Variants in ZNF217 observed in about 807,000 individuals in gnomAD.
The protein encoded by ZNF217 is zinc finger protein 217.
Under a neutral mutation model 73.3 loss-of-function variants are expected in ZNF217, and 12 were observed. That is an observed-to-expected ratio of 0.16 (90% CI 0.10 to 0.27). ZNF217 has a LOEUF of 0.27. ZNF217 is among the 10% of genes least tolerant of loss of function. The probability of loss-of-function intolerance (pLI) is 1.00; values close to 1 mark genes in which losing one functional copy is unlikely to be tolerated. For synonymous variants in ZNF217, 588 were observed against 516.4 expected (o/e 1.14, Z -1.88); for missense variants, 1,195 against 1,327.8 (o/e 0.90, Z 1.55).
upstream of ZNF217, among the ~76,000 whole-genome samples, chr20:53,594,515 T>G (rs1253267875): frequency 1.3e-5 from 2 of 150,716 alleles, no homozygotes; most frequent in Non-Finnish European, 3.0e-5. Context: ...GCTCGGCGAC[T>G]CCCGCGCACG....
intron 1 of ZNF217, among the ~76,000 whole-genome samples, chr20:53,592,888 G>C (rs982984496): frequency 2.0e-5 from 3 of 151,170 alleles, no homozygotes; most frequent in African/African-American, 4.9e-5. Flanking sequence ...TTTTGGGCTA[G>C]CATTTCAATC....
At position 53,582,650 on chromosome 20, in the gene ZNF217, G is replaced by A. The variant is rs138837480; in HGVS notation, c.177C>T (p.Ile59=). 24 of 1,614,142 alleles carry A rather than the reference G, an allele frequency of 1.5e-5. No homozygotes were observed. Among genetic ancestry groups the A allele is most frequent in the Non-Finnish European group, 1.8e-5 (21 of 1,180,036 alleles). Residue 59 remains isoleucine, a synonymous_variant, in exon 2 of 6, where the codon ATC becomes ATT. Transcript: ENST00000371471. The surrounding 1 kb of genome is among the most constrained non-coding windows in gnomAD (Gnocchi z 4.8). ...TGCAATCCAAGGGCATATACCCCTC[G>A]ATTTGGATGACATTTTTTTCTTGTG... ...RATQEKNVIQ[I]EGYMPLDCMF...
In ZNF217 at chr20:53,568,939, C is replaced by CCCCAA; in HGVS notation, c.*348_*349insTTGGG. The CCCCAA allele has an allele frequency of 5.6e-6, 1 of 180,102 alleles. No individual in the cohort carries two copies. Among genetic ancestry groups the CCCCAA allele is most frequent in the South Asian group, 1.2e-4 (1 of 8,266 alleles). 11.2% of individuals were successfully genotyped at this position (180,102 alleles called of 1,614,324 possible). A position where few individuals can be genotyped will look rare whatever the true frequency, so the allele number is the denominator to read the frequency against. On this transcript the variant is annotated 3_prime_UTR_variant, in exon 6 of 6. Transcript: ENST00000371471. ...TTCCCCCATCCCGCCCCACCCAACC[C>CCCCAA]AAATGATTTCTTTTCAGCAGCGCTC...
intron 1 of ZNF217, among the ~76,000 whole-genome samples, chr20:53,593,124 A>T (rs1988941027): frequency 6.6e-6 from 1 of 151,572 alleles, no homozygotes; most frequent in African/African-American, 2.4e-5. Flanking sequence ...ACTCCCGGGG[A>T]CAGATTTTTG....
At chr20:53,584,396 G>A (rs569976011) in intron 1 of ZNF217, among the ~76,000 whole-genome samples, 2 of 152,314 alleles carry the variant, frequency 1.3e-5, no homozygotes, top group Non-Finnish European at 2.9e-5. Context: ...TTTACACTCC[G>A]AAATAGAAAT....
Position 53,575,785 on chromosome 20 carries a change from G to A in ZNF217, c.2979C>T (p.Ser993=), listed in dbSNP as rs535784886. The A allele has an allele frequency of 1.9e-5, 31 of 1,611,730 alleles. No homozygotes were observed. The South Asian group carries it at 2.2e-4, about 11-fold the overall frequency. The part of the protein sequence containing the change: ...VLTVQKPYGG[S]GPLYTCVPAG... ...CAGGCACACAAGTGTAAAGTGGCCC[G>A]GAGCCACCATAGGGCTTCTGAACAG... Residue 993 remains serine, a synonymous_variant, in exon 4 of 6, where the codon TCC becomes TCT. Transcript: ENST00000371471.
upstream of ZNF217, among the ~76,000 whole-genome samples, chr20:53,597,006 G>A (rs1251049491): frequency 6.6e-6 from 1 of 150,446 alleles, no homozygotes; most frequent in Non-Finnish European, 1.5e-5. Context: ...AGTGATATAA[G>A]GCCTCTTCGT....
At chr20:53,591,000 A>T (rs1988860203) in intron 1 of ZNF217, among the ~76,000 whole-genome samples, 1 of 152,192 alleles carries the variant, frequency 6.6e-6, no homozygotes, top group South Asian at 2.1e-4. Flanking sequence ...ACCTTAAAAA[A>T]GTAAAGGCAG....
chr20:53,595,682 C>G (rs1482887324), upstream of ZNF217, among the ~76,000 whole-genome samples: 2 of 152,174 alleles, frequency 1.3e-5, no homozygotes, highest in Non-Finnish European at 2.9e-5. Context: ...TTTTTTCACT[C>G]AAGTCCACTG....
intron 1 of ZNF217, among the ~76,000 whole-genome samples, chr20:53,585,544 C>T (rs1030365128): frequency 2.0e-5 from 3 of 151,970 alleles, no homozygotes; most frequent in Admixed American, 1.3e-4. Flanking sequence ...CTCCCCTCTC[C>T]GCCCAAAAAA....
rs534693598 is a variant in ZNF217 at position 53,579,377 on chromosome 20, AAG to A, written c.1367-929_1367-928del. Among the ~76,000 whole-genome samples the A allele has an allele frequency of 1.3e-3, 205 of 152,358 alleles. 1 individual carries two copies. Among genetic ancestry groups the A allele is most frequent in the African/African-American group, 3.6e-3 (151 of 41,576 alleles). ...TGATGATCTATATAGTGTCTAAAGA[AAG>A]AAAAAAAAATTTACTTGATCTTCTT... On this transcript the variant is annotated intron_variant, in intron 2 of 5. Transcript: ENST00000371471.
intron 1 of ZNF217, among the ~76,000 whole-genome samples, chr20:53,587,628 A>C (rs1988742391): frequency 6.6e-6 from 1 of 152,110 alleles, no homozygotes; most frequent in South Asian, 2.1e-4. Context: ...CATACTGCTA[A>C]CAAAGCTACT....
Position 53,577,346 on chromosome 20 carries a change from A to C in ZNF217, c.1484-66T>G. The C allele has an allele frequency of 2.9e-6, 4 of 1,386,962 alleles. No homozygotes were observed. The South Asian group carries it at 5.5e-5, about 19-fold the overall frequency. The allele number at this position is 1,386,962 out of a possible 1,614,324, so 85.9% of individuals were successfully genotyped here. A position where few individuals can be genotyped will look rare whatever the true frequency, so the allele number is the denominator to read the frequency against. On this transcript the variant is annotated intron_variant, in intron 3 of 5. Coordinates refer to ENST00000371471, the MANE Select transcript of ZNF217 (RefSeq NM_006526.3). ...AAGCACTGAAATAGATCAAATATCT[A>C]TTTATTAAGAAAACAGGCTTCTTTC...
Position 53,581,966 on chromosome 20 carries a change from G to A in ZNF217, c.861C>T (p.Ile287=), listed in dbSNP as rs1028299363. 21 of 1,614,088 alleles carry A rather than the reference G, an allele frequency of 1.3e-5. No individual in the cohort carries two copies. Among genetic ancestry groups the A allele is most frequent in the Non-Finnish European group, 1.7e-5 (20 of 1,180,050 alleles). The change falls in exon 2 of 6, where the codon ATC becomes ATT. Residue 287 remains isoleucine, a synonymous_variant. Transcript: ENST00000371471. This position sits in a 1 kb window ranked among gnomAD's most constrained non-coding sequence, Gnocchi z 4.9. The part of the protein sequence containing the change: ...PETGKKPVRC[I]PQLDPFTTFQ... ...AGGTGGTGAACGGATCGAGCTGAGG[G>A]ATGCATCTGACAGGCTTCTTCCCCG...
At chr20:53,593,509 CGTGA>C (rs1176011281) in intron 1 of ZNF217, among the ~76,000 whole-genome samples, 1 of 149,628 alleles carries the variant, frequency 6.7e-6, no homozygotes, top group African/African-American at 2.4e-5. Flanking sequence ...AATCGTGCGG[CGTGA>C]GTGTGACGGC....
chr20:53,577,005 G>C lies in ZNF217; in HGVS notation c.1759C>G (p.Leu587Val). 1 of 1,614,190 alleles carries C rather than the reference G, an allele frequency of 6.2e-7. No individual in the cohort carries two copies. The highest frequency in any genetic ancestry group is 8.5e-7 in the Non-Finnish European group (1 of 1,180,026). Residue 587 changes from leucine to valine, a missense_variant, in exon 4 of 6, where the codon CTG becomes GTG. Physicochemically the swap from Leu to Val is conservative, Grantham distance 32. This residue lies in a region of ZNF217 where 649 missense variants were observed against 642.8 expected (regional missense o/e 1.01). Transcript: ENST00000371471. ...GCTGGTGAGAGGACAGCGCTGCCCAGAACATTCTGAAAAACAGAAGGCATC... is the reference window on the plus strand; with the variant it reads ...GCTGGTGAGAGGACAGCGCTGCCCACAACATTCTGAAAAACAGAAGGCATC... ...KEMPSVFQNV[L>V]GSAVLSPAHK...
At chr20:53,570,216 T>C (rs200639603) in intron 5 of ZNF217, 1 of 152,674 alleles carries the variant, frequency 6.5e-6, no homozygotes. Context: ...CTGGATCTTA[T>C]TCCTGTGATG....
In ZNF217 at chr20:53,576,413, G is replaced by A; in HGVS notation, c.2351C>T (p.Ser784Phe). The change falls in exon 4 of 6, where the codon TCC becomes TTC. Residue 784 changes from serine (S) to phenylalanine (F), a missense_variant. Physicochemically the swap from Ser to Phe is radical, Grantham distance 155. Around this residue, in one of 9 missense-constraint regions of ZNF217, gnomAD observed 649 missense variants for 642.8 expected, o/e 1.01. Transcript: ENST00000371471. ...PKPKSAFPAQ[S>F]KSLPSAKGKQ... ...CCCCTTCGCAGATGGCAGGGATTTG[G>A]ACTGCGCCGGGAAAGCAGACTTGGG... 6.2e-7 allele frequency: 1 copy of A among 1,614,212 alleles called. No individual in the cohort carries two copies. Among genetic ancestry groups the A allele is most frequent in the Non-Finnish European group, 8.5e-7 (1 of 1,180,042 alleles).
intron 1 of ZNF217, among the ~76,000 whole-genome samples, chr20:53,588,429 T>C (rs1568691546): frequency 6.6e-6 from 1 of 152,176 alleles, no homozygotes; most frequent in East Asian, 1.9e-4. Flanking sequence ...CTATTACTAC[T>C]ACTTAACCAG....
Sources: gnomAD v4.1 joint callset for allele counts (sites outside exome capture counted in the v4.1 genomes callset) on GRCh38, gnomAD v4.1.1 for gene constraint, gnomAD v4.1.1 regional missense constraint, Gnocchi (gnomAD v3.1) non-coding constraint, MANE v1.5 for transcripts, NCBI Gene and HGNC (gene_info 2026-07-23, HGNC 2026-07-21) for gene names.